ELFN1: variants seen among roughly 807,000 people sequenced by gnomAD.
The protein encoded by ELFN1 is extracellular leucine rich repeat and fibronectin type III domain containing 1, also known as protein ELFN1.
ELFN1 carries 6 observed loss-of-function variants against 7.6 expected under a neutral mutation model. The observed-to-expected ratio is 0.79, with a 90% CI of 0.43 to 1.56. ELFN1 has a LOEUF of 1.56. Among genes scored for constraint, ELFN1 ranks in the 40% most tolerant of loss-of-function variants. ELFN1 has a pLI of 0.01. For synonymous variants in ELFN1, 657 were observed against 588.1 expected (o/e 1.12, Z -1.70); for missense variants, 1,169 against 1,232.2 (o/e 0.95, Z 0.77).
intron 3 of ELFN1, among the ~76,000 whole-genome samples, chr7:1,728,070 C>G (rs116052156): frequency 1.3e-5 from 2 of 152,184 alleles, no homozygotes; most frequent in Non-Finnish European, 2.9e-5. Flanking sequence ...GAGGCAGGGC[C>G]GGACTTGGAT....
At chr7:1,701,839 T>C (rs1412371916) in intron 2 of ELFN1, among the ~76,000 whole-genome samples, 1 of 152,188 alleles carries the variant, frequency 6.6e-6, no homozygotes, top group Non-Finnish European at 1.5e-5. Context: ...ATATACATAT[T>C]TTATCTTTTT....
chr7:1,705,463 C>A lies in ELFN1; in HGVS notation c.-455-3628C>A, dbSNP rs906137691. Among the ~76,000 whole-genome samples, 2 of 152,236 alleles carry A rather than the reference C, an allele frequency of 1.3e-5. No individual in the cohort carries two copies. The highest frequency in any genetic ancestry group is 2.9e-5 in the Non-Finnish European group (2 of 68,038). On this transcript the variant is annotated intron_variant, in intron 2 of 3. Coordinates refer to ENST00000424383, the MANE Select transcript of ELFN1 (RefSeq NM_001128636.4). The surrounding 1 kb of genome is among the most constrained non-coding windows in gnomAD (Gnocchi z 4.3). ...GAGGAGGAGGAGCTCCCCCCAACCG[C>A]CAGGGTGCCAGGGGAGTGAGTCCAG...
chr7:1,712,223 G>A lies in ELFN1; in HGVS notation c.-294+2971G>A, dbSNP rs191692949. ...CTTTGAGAAGGAGTCTCGCTCTGTC[G>A]CCCAGGCTGGAGTGCAGTGGCCTGA... On this transcript the variant is annotated intron_variant, in intron 3 of 3. Transcript: ENST00000424383. Among the ~76,000 whole-genome samples the A allele has an allele frequency of 4.8e-4, 73 of 151,628 alleles. No individual in the cohort carries two copies. In the East Asian group the frequency reaches 0.012, roughly 25 times the overall value.
At chr7:1,710,898 T>G (rs750077058) in intron 3 of ELFN1, among the ~76,000 whole-genome samples, 3 of 152,166 alleles carry the variant, frequency 2.0e-5, no homozygotes, top group Non-Finnish European at 4.4e-5. Flanking sequence ...ATAAGGAACT[T>G]GAAGCCCAGA....
intron 3 of ELFN1, chr7:1,738,684 G>A (rs564480450): frequency 6.6e-6 from 1 of 152,104 alleles, no homozygotes; most frequent in East Asian, 2.0e-4. Context: ...CCATTCAACG[G>A]AAGAGGAAGC....
chr7:1,712,592 C>T (rs965160044), intron 3 of ELFN1, among the ~76,000 whole-genome samples: 3 of 152,078 alleles, frequency 2.0e-5, no homozygotes, highest in Non-Finnish European at 4.4e-5. Context: ...CTGCCATGCC[C>T]GGCTAATTTT....
At chr7:1,708,335 G>A (rs78409012) in intron 2 of ELFN1, among the ~76,000 whole-genome samples, 15,589 of 152,270 alleles carry the variant, frequency 0.1, 835 homozygotes, top group Middle Eastern at 0.15. Context: ...GGCTGGGTGC[G>A]TAAAGCTTCC....
chr7:1,734,388 C>A (rs962013875), intron 3 of ELFN1, among the ~76,000 whole-genome samples: 2 of 152,204 alleles, frequency 1.3e-5, no homozygotes, highest in Non-Finnish European at 2.9e-5. Flanking sequence ...TTAAAAGATG[C>A]CCCGTGGAAG....
intron 2 of ELFN1, among the ~76,000 whole-genome samples, 169 bp downstream of exon 2, chr7:1,688,319 TGAG>T (rs1779096348): frequency 6.6e-6 from 1 of 152,234 alleles, no homozygotes; most frequent in East Asian, 1.9e-4. Context: ...TGTATTTTAA[TGAG>T]AAGAAGTTCT....
chr7:1,709,485 C>A (rs1204286302), intron 3 of ELFN1, among the ~76,000 whole-genome samples: 3 of 152,310 alleles, frequency 2.0e-5, no homozygotes, highest in South Asian at 4.1e-4. Flanking sequence ...ACAAAAGGAG[C>A]CTGGGGCTGC....
chr7:1,702,172 C>T (rs1259772672), intron 2 of ELFN1, among the ~76,000 whole-genome samples: 5 of 152,134 alleles, frequency 3.3e-5, no homozygotes, highest in African/African-American at 7.2e-5. Context: ...CGCTTGTAAT[C>T]CCAGCACTTT....
At chr7:1,666,551 T>C (rs1778674052), upstream of ELFN1, among the ~76,000 whole-genome samples, 1 of 151,248 alleles carries the variant, frequency 6.6e-6, no homozygotes, top group Non-Finnish European at 1.5e-5. This position sits in a 1 kb window ranked among gnomAD's most constrained non-coding sequence, Gnocchi z 7.9. Context: ...GGGCCAGGAC[T>C]CCGGACCCCT....
intron 1 of ELFN1, among the ~76,000 whole-genome samples, chr7:1,676,110 C>T (rs1778864958): frequency 1.3e-5 from 2 of 152,160 alleles, no homozygotes; most frequent in Admixed American, 1.3e-4. Flanking sequence ...AGACCAGATC[C>T]CAAGGGAGAT....
rs180798387 is a variant in ELFN1 at position 1,716,349 on chromosome 7, G to A, written c.-294+7097G>A. Among the ~76,000 whole-genome samples, 258 of 152,304 alleles carry A rather than the reference G, an allele frequency of 1.7e-3. 2 individuals carry two copies. Among genetic ancestry groups the A allele is most frequent in the African/African-American group, 6.0e-3 (248 of 41,568 alleles). ...CTCACACAGCATCTGGTGAGGTGAC[G>A]GCCTGGGTAAATTCTGAAGCCCTCT... On this transcript the variant is annotated intron_variant, in intron 3 of 3. Transcript: ENST00000424383.
upstream of ELFN1, among the ~76,000 whole-genome samples, chr7:1,670,173 A>G (rs1275323452): frequency 1.4e-4 from 2 of 14,264 alleles, no homozygotes; most frequent in Admixed American, 1.4e-3. The surrounding 1 kb of genome is among the most constrained non-coding windows in gnomAD (Gnocchi z 6.4). Flanking sequence ...GAGGGAGGGA[A>G]GGGGGGCGGG....
In ELFN1 at chr7:1,745,683, C is replaced by G. The variant is rs1207709095; in HGVS notation, c.1087C>G (p.Gln363Glu). 6.4e-7 allele frequency: 1 copy of G among 1,551,406 alleles called. No individual in the cohort carries two copies. The highest frequency in any genetic ancestry group is 1.2e-5 in the South Asian group (1 of 84,058). Residue 363 changes from glutamine to glutamate, a missense_variant, in exon 4 of 4, where the codon CAG becomes GAG. Gln to Glu is a conservative substitution (Grantham distance 29). Transcript: ENST00000424383. ...CACCGTGTCCAGGCTGACCAAGGCC[C>G]AGGAGGAGATCCGTCTGACCAACCT... ...ASTVSRLTKA[Q>E]EEIRLTNLFT...
intron 2 of ELFN1, among the ~76,000 whole-genome samples, chr7:1,695,000 C>T (rs1202943777): frequency 6.6e-6 from 1 of 152,250 alleles, no homozygotes; most frequent in Non-Finnish European, 1.5e-5. Context: ...CCTGCCCTCC[C>T]TGTTGAGTGC....
At chr7:1,734,237 C>T (rs528923249) in intron 3 of ELFN1, among the ~76,000 whole-genome samples, 1 of 152,070 alleles carries the variant, frequency 6.6e-6, no homozygotes, top group Non-Finnish European at 1.5e-5. Context: ...GGGAGGGGGA[C>T]CAGTGTTCCT....
chr7:1,670,332 C>G lies in ELFN1; in HGVS notation c.-571C>G, dbSNP rs906478954. 6.6e-5 allele frequency among the ~76,000 whole-genome samples: 10 copies of G among 151,702 alleles called. No individual in the cohort carries two copies. Among genetic ancestry groups the G allele is most frequent in the Middle Eastern group, 3.4e-3 (1 of 292 alleles). The stretch of plus-strand genomic sequence containing the variant: ...ACGGCGGCGGCTGCGGGCGCAGCCC[C>G]GGAACCGAGGCCGGGCGGGCAGGTA... On this transcript the variant is annotated 5_prime_UTR_variant, in exon 1 of 4. Transcript: ENST00000424383. The surrounding 1 kb of genome is among the most constrained non-coding windows in gnomAD (Gnocchi z 6.4).
Sources: allele counts gnomAD v4.1 joint callset (sites outside exome capture counted in the v4.1 genomes callset), GRCh38; gene constraint gnomAD v4.1.1; non-coding constraint Gnocchi (gnomAD v3.1); transcripts MANE v1.5; gene names NCBI Gene and HGNC (gene_info 2026-07-23, HGNC 2026-07-21).